The following MTMR6 variants were observed in gnomAD, a reference collection of about 807,000 sequenced individuals.
MTMR6 encodes the protein myotubularin related protein 6.
A neutral mutation model predicts 80.1 loss-of-function variants in MTMR6; 47 were observed. The ratio of observed to expected loss-of-function variants is 0.59; its 90% confidence interval spans 0.46 to 0.75. The LOEUF (loss-of-function observed/expected upper bound fraction) is 0.75, where lower values mean the gene tolerates loss of function less well. Ranked by LOEUF, MTMR6 falls within the 30% of genes least tolerant of loss-of-function variation. The pLI is 0.00. For missense variants in MTMR6, 629 were observed against 730.9 expected (o/e 0.86, Z 1.61); for synonymous variants, 254 against 253.0 (o/e 1.00, Z -0.04).
chr13:25,262,373 C>T (rs1957357834), intron 5 of MTMR6, among the ~76,000 whole-genome samples: 1 of 152,008 alleles, frequency 6.6e-6, no homozygotes, highest in African/African-American at 2.4e-5. Context: ...TTTTGTTTGG[C>T]TGGTTGGTTT....
In MTMR6 at chr13:25,249,243, T is replaced by A. The variant is rs768476319; in HGVS notation, c.1855A>T (p.Met619Leu). 1 of 1,613,102 alleles carries A rather than the reference T, an allele frequency of 6.2e-7. No homozygotes were observed. Reference sequence around the variant, plus strand: ...AAAACTCTATGAGTCTAACAAGTCATTCTTGCCACACCATACTCTAAGCTG... The same window carrying A: ...AAAACTCTATGAGTCTAACAAGTCAATCTTGCCACACCATACTCTAAGCTG... ...VVSLEYGVARMTC is the reference protein window; with the variant it reads ...VVSLEYGVARLTC The change falls in exon 14 of 14, where the codon ATG becomes TTG. Residue 619 changes from methionine (M) to leucine (L), a missense_variant. Physicochemically the swap from Met to Leu is conservative, Grantham distance 15. Transcript: ENST00000381801.
Position 25,247,754 on chromosome 13 carries a change from C to G in MTMR6, c.*1478G>C, listed in dbSNP as rs1422770553. 6.6e-6 allele frequency: 1 copy of G among 152,106 alleles called. No individual in the cohort carries two copies. Among genetic ancestry groups the G allele is most frequent in the Non-Finnish European group, 1.5e-5 (1 of 67,986 alleles). The allele number at this position is 152,106 out of a possible 1,614,324, so 9.4% of individuals were successfully genotyped here. ...GGAAAAATAAACAGGATAAGATAAG[C>G]TCTCATACAATAAAGTTTTTTTTGG... On this transcript the variant is annotated 3_prime_UTR_variant, in exon 14 of 14. Coordinates refer to ENST00000381801, the MANE Select transcript of MTMR6 (RefSeq NM_004685.5).
chr13:25,283,108 G>A (rs1957893092), intron 1 of MTMR6, among the ~76,000 whole-genome samples: 1 of 151,026 alleles, frequency 6.6e-6, no homozygotes, highest in Admixed American at 6.6e-5. Flanking sequence ...GACCACCTAA[G>A]CTTCTTCTAT....
intron 10 of MTMR6, among the ~76,000 whole-genome samples, chr13:25,254,166 C>G (rs1168640175): frequency 6.6e-6 from 1 of 151,966 alleles, no homozygotes; most frequent in Non-Finnish European, 1.5e-5. Context: ...AAATGCAGCC[C>G]AAAAGGAAGG....
At chr13:25,286,396 ATTC>A (rs1330752808) in intron 1 of MTMR6, among the ~76,000 whole-genome samples, 3 of 152,178 alleles carry the variant, frequency 2.0e-5, no homozygotes, top group Non-Finnish European at 4.4e-5. Context: ...TTAAAATGTT[ATTC>A]TTCTCGTCTC....
Position 25,248,456 on chromosome 13 carries a change from A to G in MTMR6, c.*776T>C, listed in dbSNP as rs1446457819. 6.6e-6 allele frequency: 1 copy of G among 152,174 alleles called. No homozygotes were observed. Among genetic ancestry groups the G allele is most frequent in the African/African-American group, 2.4e-5 (1 of 41,472 alleles). The allele number at this position is 152,174 out of a possible 1,614,324, so 9.4% of individuals were successfully genotyped here. ...TCAAATGTGCTTATACGTATTCAAG[A>G]AATCAATATTCTAAGCTGTAAATAA... On this transcript the variant is annotated 3_prime_UTR_variant, in exon 14 of 14. Transcript: ENST00000381801.
At chr13:25,287,109 G>C in intron 1 of MTMR6, 115 bp downstream of exon 1, 6 of 1,453,376 alleles carry the variant, frequency 4.1e-6, no homozygotes, top group Non-Finnish European at 5.6e-6. Context: ...CCCCGGGCCG[G>C]GTCTCCGCCG....
intron 1 of MTMR6, among the ~76,000 whole-genome samples, chr13:25,282,999 T>A (rs1382306262): frequency 1.3e-5 from 2 of 151,858 alleles, no homozygotes; most frequent in African/African-American, 4.8e-5. Context: ...TTTCAATGAT[T>A]TACCTAAACA....
At chr13:25,258,343 T>C (rs1184431244) in intron 7 of MTMR6, among the ~76,000 whole-genome samples, 1 of 152,024 alleles carries the variant, frequency 6.6e-6, no homozygotes, top group Non-Finnish European at 1.5e-5. Flanking sequence ...TTTCTAAGAG[T>C]TGATGAAAAG....
chr13:25,275,427 GACAA>G (rs988933227), intron 1 of MTMR6, among the ~76,000 whole-genome samples: 1 of 151,408 alleles, frequency 6.6e-6, no homozygotes, highest in African/African-American at 2.4e-5. Context: ...ATCTCAAAAA[GACAA>G]ACAAACAAAC....
At chr13:25,263,853 TC>T (rs1957393165) in intron 5 of MTMR6, among the ~76,000 whole-genome samples, 1 of 151,918 alleles carries the variant, frequency 6.6e-6, no homozygotes, top group African/African-American at 2.4e-5. Context: ...GCCACTGCAC[TC>T]CAGCCTGGGA....
intron 11 of MTMR6, among the ~76,000 whole-genome samples, chr13:25,252,767 A>G (rs1957118592): frequency 6.6e-6 from 1 of 152,212 alleles, no homozygotes; most frequent in Non-Finnish European, 1.5e-5. Flanking sequence ...AAATTATAAT[A>G]AACTATTTTG....
chr13:25,281,164 C>T (rs2137632197), intron 1 of MTMR6, among the ~76,000 whole-genome samples: 1 of 152,192 alleles, frequency 6.6e-6, no homozygotes, highest in South Asian at 2.1e-4. Context: ...CTCATCTCTA[C>T]AGAAAAAGAA....
rs371374084 is a variant in MTMR6 at position 25,274,095 on chromosome 13, G to A, written c.117C>T (p.Ile39=). The part of the protein sequence containing the change: ...LYLTATHLLF[I]DSHQKETWIL... The stretch of plus-strand genomic sequence containing the variant: ...CCCAGGTTTCTTTTTGATGAGAGTC[G>A]ATAAATAATAGATGTGTAGCCGTAA... The change falls in exon 2 of 14, where the codon ATC becomes ATT. Residue 39 remains isoleucine, a synonymous_variant. Coordinates refer to ENST00000381801, the MANE Select transcript of MTMR6 (RefSeq NM_004685.5). 2.0e-5 allele frequency: 32 copies of A among 1,607,154 alleles called. No homozygotes were observed. The highest frequency in any genetic ancestry group is 2.5e-5 in the Non-Finnish European group (29 of 1,175,496).
chr13:25,249,588 G>GT, intron 13 of MTMR6, 96 bp from the exon 14 acceptor site: 1 of 1,218,396 alleles, frequency 8.2e-7, no homozygotes. Flanking sequence ...TATGTTCTCT[G>GT]TATGTATAAT....
intron 5 of MTMR6, among the ~76,000 whole-genome samples, chr13:25,264,094 T>C (rs867061549): frequency 6.6e-6 from 1 of 152,082 alleles, no homozygotes; most frequent in African/African-American, 2.4e-5. Context: ...AATTATTTTT[T>C]TAAATCTTTA....
rs1320905934 is a variant in MTMR6, at chr13:25,248,488, A to G, written c.*744T>C. On this transcript the variant is annotated 3_prime_UTR_variant, in exon 14 of 14. Coordinates refer to ENST00000381801, the MANE Select transcript of MTMR6 (RefSeq NM_004685.5). ...TATTCTAAGCTGTAAATAATAAATTATCAAATGTAGCACTAAACAAATTAT... is the reference window on the plus strand; with the variant it reads ...TATTCTAAGCTGTAAATAATAAATTGTCAAATGTAGCACTAAACAAATTAT... The G allele has an allele frequency of 1.3e-5, 2 of 152,170 alleles. No individual in the cohort carries two copies. The highest frequency in any genetic ancestry group is 3.9e-4 in the East Asian group (2 of 5,194). 9.4% of individuals were successfully genotyped at this position (152,170 alleles called of 1,614,324 possible).
chr13:25,285,282 A>G (rs971447390), intron 1 of MTMR6, among the ~76,000 whole-genome samples: 1 of 151,972 alleles, frequency 6.6e-6, no homozygotes, highest in African/African-American at 2.4e-5. Flanking sequence ...TAACCAAGGG[A>G]TCCTAAATAT....
intron 2 of MTMR6, among the ~76,000 whole-genome samples, chr13:25,273,820 C>T (rs956456445): frequency 3.3e-5 from 5 of 152,062 alleles, no homozygotes; most frequent in African/African-American, 1.2e-4. Context: ...CCACCGCATC[C>T]GGCCTAGGAA....
Sources: gnomAD v4.1 joint callset for allele counts (sites outside exome capture counted in the v4.1 genomes callset) on GRCh38, gnomAD v4.1.1 for gene constraint, MANE v1.5 for transcripts, NCBI Gene and HGNC (gene_info 2026-07-23, HGNC 2026-07-21) for gene names.